The following NAALADL2 variants were observed in gnomAD, a reference collection of about 807,000 sequenced individuals.
NAALADL2 encodes the protein inactive N-acetylated-alpha-linked acidic dipeptidase-like protein 2.
Under a neutral mutation model 87.2 loss-of-function variants are expected in NAALADL2, and 76 were observed. The ratio of observed to expected loss-of-function variants is 0.87; its 90% CI spans 0.72 to 1.05. The LOEUF (loss-of-function observed/expected upper bound fraction) is 1.05. NAALADL2 is among the 50% of genes least tolerant of loss of function. NAALADL2 has a pLI of 0.00. For synonymous variants in NAALADL2, 354 were observed against 331.0 expected (o/e 1.07, Z -0.75); for missense variants, 1,089 against 945.8 (o/e 1.15, Z -1.99).
chr3:175,120,759 T>C (rs1726030396), intron 2 of NAALADL2, among the ~76,000 whole-genome samples: 1 of 151,848 alleles, frequency 6.6e-6, no homozygotes, highest in Non-Finnish European at 1.5e-5. Flanking sequence ...CTTTTTGTTC[T>C]TTGAAAACCC....
chr3:174,988,093 C>T (rs772085650), intron 1 of NAALADL2, among the ~76,000 whole-genome samples: 5 of 151,664 alleles, frequency 3.3e-5, no homozygotes, highest in African/African-American at 9.7e-5. Flanking sequence ...TCCGAGGATC[C>T]GAAAAATAAA....
intron 11 of NAALADL2, among the ~76,000 whole-genome samples, chr3:175,656,724 T>C (rs1731516000): frequency 6.7e-6 from 1 of 148,942 alleles, no homozygotes; most frequent in African/African-American, 2.5e-5. Flanking sequence ...TGTGTGTATG[T>C]GTGTGTGTGT....
chr3:175,064,676 G>A (rs115726490), intron 1 of NAALADL2, among the ~76,000 whole-genome samples: 5,444 of 152,186 alleles, frequency 0.036, 116 homozygotes, highest in African/African-American at 0.059. Flanking sequence ...GCCCTCATTG[G>A]CCAAATCCAA....
chr3:175,629,443 C>T lies in NAALADL2; in HGVS notation c.1896+2057C>T, dbSNP rs138495066. On this transcript the variant is annotated intron_variant, in intron 11 of 13. Coordinates refer to ENST00000454872, the MANE Select transcript of NAALADL2 (RefSeq NM_207015.3). The stretch of plus-strand genomic sequence containing the variant: ...TATTTGTTCACATATTCTAGACACT[C>T]AGAGTCTACATTTATTTATTTTTAA... 1.2e-3 allele frequency among the ~76,000 whole-genome samples: 186 copies of T among 150,792 alleles called. 1 individual carries two copies. Among genetic ancestry groups the T allele is most frequent in the African/African-American group, 3.9e-3 (162 of 41,312 alleles).
intron 1 of NAALADL2, among the ~76,000 whole-genome samples, chr3:174,900,074 A>G (rs1732125994): frequency 6.6e-6 from 1 of 152,070 alleles, no homozygotes; most frequent in Non-Finnish European, 1.5e-5. Flanking sequence ...AATATTAAAG[A>G]AAGAACTAAG....
At chr3:175,481,472 G>T (rs1471625905) in intron 9 of NAALADL2, among the ~76,000 whole-genome samples, 1 of 151,574 alleles carries the variant, frequency 6.6e-6, no homozygotes, top group Non-Finnish European at 1.5e-5. Flanking sequence ...ACCATAAATT[G>T]ATAGGTATTT....
intron 10 of NAALADL2, among the ~76,000 whole-genome samples, chr3:175,621,824 G>T (rs1582660818): frequency 6.6e-6 from 1 of 152,060 alleles, no homozygotes; most frequent in Non-Finnish European, 1.5e-5. Flanking sequence ...CTGTTTTGGT[G>T]CCCACAGGAG....
At chr3:174,449,530 T>A (rs1219766124) in intron 1 of NAALADL2, among the ~76,000 whole-genome samples, 1 of 152,196 alleles carries the variant, frequency 6.6e-6, no homozygotes, top group African/African-American at 2.4e-5. Context: ...CAGAACTATT[T>A]CCAGACAATC....
intron 2 of NAALADL2, among the ~76,000 whole-genome samples, chr3:175,098,510 G>A (rs1232506521): frequency 6.6e-5 from 10 of 152,080 alleles, no homozygotes; most frequent in Non-Finnish European, 1.3e-4. Flanking sequence ...GCAGATAGGG[G>A]GGCATAACCT....
intron 2 of NAALADL2, among the ~76,000 whole-genome samples, chr3:175,194,149 A>T (rs527983581): frequency 1.1e-4 from 16 of 151,880 alleles, no homozygotes; most frequent in Non-Finnish European, 2.2e-4. Context: ...AGATGTTATT[A>T]TATATGTATA....
chr3:175,561,586 T>C (rs984166035), intron 9 of NAALADL2, among the ~76,000 whole-genome samples: 3 of 152,146 alleles, frequency 2.0e-5, no homozygotes, highest in African/African-American at 7.2e-5. Flanking sequence ...AAATATGCTG[T>C]ACAAAATATG....
chr3:175,029,065 A>ATAT (rs397705567), intron 1 of NAALADL2, among the ~76,000 whole-genome samples: 3 of 147,346 alleles, frequency 2.0e-5, no homozygotes, highest in Admixed American at 6.8e-5. Flanking sequence ...ATATATATAT[A>ATAT]AAAAACTCAA....
intron 2 of NAALADL2, among the ~76,000 whole-genome samples, chr3:175,107,435 C>G (rs1723362350): frequency 6.6e-6 from 1 of 151,810 alleles, no homozygotes; most frequent in Non-Finnish European, 1.5e-5. Context: ...ACTTGCCAAA[C>G]ATTCACAATT....
At chr3:175,615,580 G>A (rs948368186) in intron 10 of NAALADL2, among the ~76,000 whole-genome samples, 4 of 151,802 alleles carry the variant, frequency 2.6e-5, no homozygotes, top group African/African-American at 7.3e-5. Context: ...AGTATTGGCC[G>A]GGCATGATGG....
At chr3:175,702,924 A>G (rs532626096) in intron 11 of NAALADL2, among the ~76,000 whole-genome samples, 1 of 152,270 alleles carries the variant, frequency 6.6e-6, no homozygotes, top group African/African-American at 2.4e-5. Context: ...AAGAAAAAAA[A>G]AAGGAGAGTA....
At chr3:175,729,614 T>C (rs1743392117) in intron 11 of NAALADL2, among the ~76,000 whole-genome samples, 2 of 152,188 alleles carry the variant, frequency 1.3e-5, no homozygotes, top group Admixed American at 1.3e-4. Flanking sequence ...TCACTTCCAA[T>C]TTCTATACAT....
chr3:175,130,412 C>G (rs1727644756), intron 2 of NAALADL2, among the ~76,000 whole-genome samples: 1 of 152,100 alleles, frequency 6.6e-6, no homozygotes. Flanking sequence ...TCCAAAAAGT[C>G]TTTGTCAAGA....
chr3:175,102,066 A>G (rs1010235546), intron 2 of NAALADL2, among the ~76,000 whole-genome samples: 1 of 152,198 alleles, frequency 6.6e-6, no homozygotes, highest in African/African-American at 2.4e-5. Flanking sequence ...TTAAATTAAA[A>G]TATTAGAATC....
chr3:175,209,926 A>T (rs553606913), intron 2 of NAALADL2, among the ~76,000 whole-genome samples: 5 of 152,040 alleles, frequency 3.3e-5, no homozygotes, highest in Admixed American at 6.6e-5. Flanking sequence ...CTTCGTTTTC[A>T]ATAAAGCAGT....
Sources: gnomAD v4.1 joint callset for allele counts (sites outside exome capture counted in the v4.1 genomes callset) on GRCh38, gnomAD v4.1.1 for gene constraint, MANE v1.5 for transcripts, NCBI Gene and HGNC (gene_info 2026-07-23, HGNC 2026-07-21) for gene names.